Variants in PIK3CA observed in about 807,000 individuals in gnomAD.
PIK3CA encodes phosphatidylinositol 4,5-bisphosphate 3-kinase catalytic subunit alpha isoform.
In PIK3CA, 27 loss-of-function variants were observed where a neutral mutation model predicts 138.2. That is an observed-to-expected ratio of 0.20 (90% CI 0.14 to 0.27). PIK3CA has a LOEUF of 0.27. Among genes scored for constraint, PIK3CA ranks in the 10% least tolerant of loss-of-function variants. The pLI, the probability that PIK3CA is intolerant of heterozygous loss-of-function variation, is 1.00. For missense variants in PIK3CA, 544 were observed against 1,277.4 expected, an observed-to-expected ratio of 0.43 and a Z score of 8.75; for synonymous variants, 358 against 413.2, an observed-to-expected ratio of 0.87 and a Z score of 1.62.
At chr3:179,165,879 A>C (rs1260961289) in intron 1 of PIK3CA, among the ~76,000 whole-genome samples, 1 of 152,098 alleles carries the variant, frequency 6.6e-6, no homozygotes, top group East Asian at 1.9e-4. Context: ...TTGGTACACT[A>C]TCTTCAGCTT....
chr3:179,193,099 G>T (rs563305944), intron 1 of PIK3CA, among the ~76,000 whole-genome samples: 1 of 152,276 alleles, frequency 6.6e-6, no homozygotes, highest in East Asian at 1.9e-4. Flanking sequence ...TACTCAGTTG[G>T]ACTGCTGATG....
chr3:179,201,251 A>G (rs1724402187), intron 3 of PIK3CA, 39 bp from the exon 4 acceptor site: 2 of 1,547,686 alleles, frequency 1.3e-6, no homozygotes, highest in Non-Finnish European at 1.8e-6. Flanking sequence ...GAAAAATGAA[A>G]GAGAGATGGT....
intron 14 of PIK3CA, among the ~76,000 whole-genome samples, chr3:179,222,038 C>T (rs1724981001): frequency 6.6e-6 from 1 of 151,828 alleles, no homozygotes; most frequent in Non-Finnish European, 1.5e-5. Flanking sequence ...CCTTTTCCTA[C>T]ACCCTATTCT....
At chr3:179,222,385 G>T (rs1352434500) in intron 14 of PIK3CA, among the ~76,000 whole-genome samples, 2 of 152,118 alleles carry the variant, frequency 1.3e-5, no homozygotes, top group Non-Finnish European at 2.9e-5. Context: ...TGAGCAAGAA[G>T]GGTCTAGATT....
rs558853113 is a variant in PIK3CA at position 179,205,448 on chromosome 3, C to G, written c.1145+860C>G. ...TCATTCCCCACATTAGATTAAAAAC[C>G]TAGCATTTTATTCTTTTCCTGTCTC... is the stretch of plus-strand genomic sequence containing the variant. On this transcript the variant is annotated intron_variant, in intron 6 of 20. Transcript: ENST00000263967. Among the ~76,000 whole-genome samples, 7 of 152,214 alleles carry G rather than the reference C, an allele frequency of 4.6e-5. No homozygotes were observed. The East Asian group carries it at 9.6e-4, about 21-fold the overall frequency.
rs540581303 is a variant in PIK3CA at position 179,151,536 on chromosome 3, A to G, written c.-77+2933A>G. Among the ~76,000 whole-genome samples the G allele has an allele frequency of 6.2e-4, 95 of 152,308 alleles. 1 individual carries two copies. The highest frequency in any genetic ancestry group is 9.7e-4 in the Non-Finnish European group (66 of 68,024). ...AAGTACTCTGGTCTCATCCCCAGAG[A>G]TGCTCATTTAATTGGTCTGAGATGG... On this transcript the variant is annotated intron_variant, in intron 1 of 20. Coordinates refer to ENST00000263967, the MANE Select transcript of PIK3CA (RefSeq NM_006218.4).
In PIK3CA at chr3:179,210,178, T is replaced by G; in HGVS notation, c.1252-8T>G. The G allele has an allele frequency of 6.4e-7, 1 of 1,563,880 alleles. No homozygotes were observed. Among genetic ancestry groups the G allele is most frequent in the Non-Finnish European group, 8.6e-7 (1 of 1,164,062 alleles). ...TAGACTAGTGAATATTTTTCTTTGT[T>G]TTTTAAGGAACACTGTCCATTGGCA... On this transcript the variant is annotated splice_region_variant and splice_polypyrimidine_tract_variant and intron_variant, in intron 7 of 20. Coordinates refer to ENST00000263967, the MANE Select transcript of PIK3CA (RefSeq NM_006218.4).
chr3:179,171,251 A>G (rs1416400568), intron 1 of PIK3CA, among the ~76,000 whole-genome samples: 3 of 152,190 alleles, frequency 2.0e-5, no homozygotes, highest in Admixed American at 2.0e-4. Context: ...CTGAGTGAAA[A>G]TGAACACAAA....
In PIK3CA at chr3:179,230,140, T is replaced by C; in HGVS notation, c.2784+19T>C. On this transcript the variant is annotated intron_variant, in intron 19 of 20. Transcript: ENST00000263967. The surrounding 1 kb of genome is among the most constrained non-coding windows in gnomAD (Gnocchi z 5.4). ...TGGACAAGTAATGGTTTTCTCTGTT[T>C]AAAATGTTTTGGTGTTCTTAATTTA... is the stretch of plus-strand genomic sequence containing the variant. 3.8e-6 allele frequency: 6 copies of C among 1,585,428 alleles called. No individual in the cohort carries two copies. Among genetic ancestry groups the C allele is most frequent in the Non-Finnish European group, 3.5e-6 (4 of 1,154,440 alleles).
chr3:179,148,765 C>T (rs1722923891), intron 1 of PIK3CA, among the ~76,000 whole-genome samples, 162 bp downstream of exon 1: 1 of 152,148 alleles, frequency 6.6e-6, no homozygotes, highest in African/African-American at 2.4e-5. Flanking sequence ...GCCGCACCCT[C>T]TCCCTCGCCT....
At chr3:179,152,038 C>G (rs1162319837) in intron 1 of PIK3CA, among the ~76,000 whole-genome samples, 1 of 152,220 alleles carries the variant, frequency 6.6e-6, no homozygotes, top group Non-Finnish European at 1.5e-5. Flanking sequence ...CTGTACATTA[C>G]AGCACTTGAC....
In PIK3CA at chr3:179,238,201, A is replaced by C. The variant is rs1211456507; in HGVS notation, c.*3837A>C. ...TATACCGTAAGAGAATCAACTCTTC[A>C]TCATGGATGGGATTGTGAAGGCTGA... On this transcript the variant is annotated 3_prime_UTR_variant, in exon 21 of 21. Transcript: ENST00000263967. 2 of 221,810 alleles carry C rather than the reference A, an allele frequency of 9.0e-6. No individual in the cohort carries two copies. Among genetic ancestry groups the C allele is most frequent in the African/African-American group, 4.5e-5 (2 of 44,732 alleles). The allele number at this position is 221,810 out of a possible 1,614,324, so 13.7% of individuals were successfully genotyped here. A position where few individuals can be genotyped will look rare whatever the true frequency, so the allele number is the denominator to read the frequency against.
At chr3:179,168,301 G>A (rs1483351430) in intron 1 of PIK3CA, among the ~76,000 whole-genome samples, 2 of 152,094 alleles carry the variant, frequency 1.3e-5, no homozygotes, top group African/African-American at 4.8e-5. Flanking sequence ...AGAATTCCTG[G>A]TCAAATTGTT....
chr3:179,228,037 A>G (rs1252494047), intron 17 of PIK3CA, among the ~76,000 whole-genome samples: 4 of 152,038 alleles, frequency 2.6e-5, no homozygotes, highest in Admixed American at 6.6e-5. Context: ...TCAGACATGG[A>G]TATTTGGCAG....
intron 1 of PIK3CA, among the ~76,000 whole-genome samples, chr3:179,193,495 A>G: frequency 6.6e-6 from 1 of 152,248 alleles, no homozygotes; most frequent in East Asian, 1.9e-4. Flanking sequence ...TGTTGGTTTT[A>G]GGACCAGAAA....
rs1176267816 is a variant in PIK3CA, at chr3:179,234,608, CT to C, written c.*246del. ...AATAATGCGCAATTTCATGTTATGC[CT>C]TAAGTCCAAAAAGGTAAACTTTGAA... On this transcript the variant is annotated 3_prime_UTR_variant, in exon 21 of 21. Coordinates refer to ENST00000263967, the MANE Select transcript of PIK3CA (RefSeq NM_006218.4). This position sits in a 1 kb window ranked among gnomAD's most constrained non-coding sequence, Gnocchi z 5.1. 3.0e-6 allele frequency: 1 copy of C among 336,718 alleles called. No individual in the cohort carries two copies. The highest frequency in any genetic ancestry group is 2.1e-5 in the African/African-American group (1 of 47,476). 20.9% of individuals were successfully genotyped at this position (336,718 alleles called of 1,614,324 possible).
In PIK3CA at chr3:179,201,276, T is replaced by G. The variant is rs776828704; in HGVS notation, c.563-14T>G. ...AGAGAGATGGTGATTGCATCTAATG[T>G]TTTCCTGTTATAGGGCAAATAATAG... On this transcript the variant is annotated splice_polypyrimidine_tract_variant and intron_variant, in intron 3 of 20. Transcript: ENST00000263967. The G allele has an allele frequency of 6.3e-7, 1 of 1,598,402 alleles. No homozygotes were observed. The highest frequency in any genetic ancestry group is 1.1e-5 in the South Asian group (1 of 88,772).
Position 179,222,866 on chromosome 3 carries a change from GA to G in PIK3CA, c.2188-1210del, listed in dbSNP as rs561551458. Reference sequence around the variant, plus strand: ...GTTGCTTTCACACCATCACAAAGTTGAAAAATAGTAAGTCAAAACCATTGTA... The same window carrying G: ...GTTGCTTTCACACCATCACAAAGTTGAAAATAGTAAGTCAAAACCATTGTA... On this transcript the variant is annotated intron_variant, in intron 14 of 20. Coordinates refer to ENST00000263967, the MANE Select transcript of PIK3CA (RefSeq NM_006218.4). Among the ~76,000 whole-genome samples, 834 of 152,294 alleles carry G rather than the reference GA, an allele frequency of 5.5e-3. 8 individuals are homozygous for G. Among genetic ancestry groups the G allele is most frequent in the African/African-American group, 0.019 (777 of 41,574 alleles).
intron 1 of PIK3CA, among the ~76,000 whole-genome samples, chr3:179,177,505 G>C (rs778366036): frequency 2.0e-5 from 3 of 151,840 alleles, no homozygotes; most frequent in Non-Finnish European, 2.9e-5. Context: ...TAGAGATGGG[G>C]TTTCATCATG....
Sources: allele counts gnomAD v4.1 joint callset (sites outside exome capture counted in the v4.1 genomes callset), GRCh38; gene constraint gnomAD v4.1.1; non-coding constraint Gnocchi (gnomAD v3.1); transcripts MANE v1.5; gene names NCBI Gene and HGNC (gene_info 2026-07-23, HGNC 2026-07-21).